HS3ST4: variants seen among roughly 807,000 people sequenced by gnomAD.
HS3ST4 encodes heparan sulfate glucosamine 3-O-sulfotransferase 4.
A neutral mutation model predicts 29.2 loss-of-function variants in HS3ST4; 17 were observed. That is an observed-to-expected ratio of 0.58 (90% CI 0.40 to 0.87). The LOEUF (loss-of-function observed/expected upper bound fraction) is 0.87, where lower values mean the gene tolerates loss of function less well. Ranked by LOEUF, HS3ST4 falls within the 40% of genes least tolerant of loss-of-function variation. HS3ST4 has a pLI of 0.00. For missense variants in HS3ST4, 627 were observed against 634.5 expected (o/e 0.99, Z 0.13); for synonymous variants, 314 against 285.7 (o/e 1.10, Z -1.00).
At chr16:25,916,160 G>A (rs1462432327) in intron 1 of HS3ST4, among the ~76,000 whole-genome samples, 1 of 152,118 alleles carries the variant, frequency 6.6e-6, no homozygotes, top group Non-Finnish European at 1.5e-5. Context: ...CAAATCCCCT[G>A]ACATCACATA....
intron 1 of HS3ST4, among the ~76,000 whole-genome samples, chr16:25,702,859 G>A (rs1012414039): frequency 2.0e-5 from 3 of 151,936 alleles, no homozygotes; most frequent in African/African-American, 7.3e-5. Context: ...TTGAGCTAGC[G>A]GCTCAACTCA....
chr16:25,804,121 C>T (rs775581767), intron 1 of HS3ST4, among the ~76,000 whole-genome samples: 22 of 152,116 alleles, frequency 1.4e-4, no homozygotes, highest in Non-Finnish European at 2.9e-4. Context: ...AAAATGATAT[C>T]TTCCTCATAG....
chr16:26,000,398 T>C (rs959994932), intron 1 of HS3ST4, among the ~76,000 whole-genome samples: 13 of 152,140 alleles, frequency 8.5e-5, no homozygotes, highest in African/African-American at 3.1e-4. Flanking sequence ...TTAACAGAGC[T>C]CAAAGAAAAG....
intron 1 of HS3ST4, among the ~76,000 whole-genome samples, chr16:25,951,044 C>T (rs1968679805): frequency 6.6e-6 from 1 of 152,208 alleles, no homozygotes; most frequent in South Asian, 2.1e-4. Flanking sequence ...TATCCAGGTG[C>T]ACCCCACTGG....
intron 1 of HS3ST4, among the ~76,000 whole-genome samples, chr16:26,024,825 A>G (rs1969451310): frequency 6.6e-6 from 1 of 152,224 alleles, no homozygotes; most frequent in Non-Finnish European, 1.5e-5. Flanking sequence ...AGCCAAATTG[A>G]CAGAGTGTAA....
rs563639979 is a variant in HS3ST4 at position 25,731,188 on chromosome 16, A to C, written c.734+38037A>C. Reference sequence around the variant, plus strand: ...GGCACCCACATGACTGATCTTAGCTATCAGTCTTCAGCCTCCTGCCATTGG... The same window carrying C: ...GGCACCCACATGACTGATCTTAGCTCTCAGTCTTCAGCCTCCTGCCATTGG... On this transcript the variant is annotated intron_variant, in intron 1 of 1. Transcript: ENST00000331351. Among the ~76,000 whole-genome samples, 29 of 152,284 alleles carry C rather than the reference A, an allele frequency of 1.9e-4. 1 individual carries two copies. The South Asian group carries it at 3.7e-3, about 20-fold the overall frequency.
In HS3ST4 at chr16:25,692,913, A is replaced by C. The variant is rs772141062; in HGVS notation, c.496A>C (p.Thr166Pro). The change falls in exon 1 of 2, where the codon ACC becomes CCC. Residue 166 changes from threonine to proline, a missense_variant. Around this residue, in one of 2 missense-constraint regions of HS3ST4, gnomAD observed 402 missense variants for 340.8 expected, o/e 1.18. Coordinates refer to ENST00000331351, the MANE Select transcript of HS3ST4 (RefSeq NM_006040.3). ...GGAGAGGGAAGCGCAGGAGTCCAGC[A>C]CCACCGACGAGGATCTCGCAGGCCG... ...LPEREAQESSTTDEDLAGRRA... is the reference protein window; with the variant it reads ...LPEREAQESSPTDEDLAGRRA... 1 of 1,598,916 alleles carries C rather than the reference A, an allele frequency of 6.3e-7. No individual in the cohort carries two copies. Among genetic ancestry groups the C allele is most frequent in the Non-Finnish European group, 8.5e-7 (1 of 1,173,796 alleles).
intron 1 of HS3ST4, among the ~76,000 whole-genome samples, chr16:25,857,485 A>G (rs1328598961): frequency 6.6e-6 from 1 of 152,048 alleles, no homozygotes; most frequent in African/African-American, 2.4e-5. Flanking sequence ...TTTCTTTTAT[A>G]CACTTCTGCG....
At chr16:26,119,640 G>A (rs1013178799) in intron 1 of HS3ST4, among the ~76,000 whole-genome samples, 1 of 152,060 alleles carries the variant, frequency 6.6e-6, no homozygotes, top group African/African-American at 2.4e-5. Context: ...CTCAATTTGG[G>A]CACATTTTTC....
intron 1 of HS3ST4, among the ~76,000 whole-genome samples, chr16:25,975,756 C>T (rs1218526799): frequency 6.6e-6 from 1 of 152,154 alleles, no homozygotes; most frequent in African/African-American, 2.4e-5. Context: ...ACTTCTCTGT[C>T]AAATCTCTTC....
At chr16:25,918,447 G>T (rs1016187070) in intron 1 of HS3ST4, among the ~76,000 whole-genome samples, 1 of 152,214 alleles carries the variant, frequency 6.6e-6, no homozygotes, top group Admixed American at 6.5e-5. Flanking sequence ...AGGGGAGGTA[G>T]CACTACATGG....
chr16:25,774,651 C>T (rs966064480), intron 1 of HS3ST4, among the ~76,000 whole-genome samples: 6 of 152,234 alleles, frequency 3.9e-5, no homozygotes, highest in East Asian at 3.9e-4. Flanking sequence ...TCTACCCCAA[C>T]GTGTGGATGA....
At chr16:25,906,724 C>A (rs1307703739) in intron 1 of HS3ST4, among the ~76,000 whole-genome samples, 1 of 152,022 alleles carries the variant, frequency 6.6e-6, no homozygotes, top group African/African-American at 2.4e-5. Context: ...GTTTGCTGAG[C>A]AAATTCATGA....
chr16:25,712,168 A>G (rs1283633672), intron 1 of HS3ST4, among the ~76,000 whole-genome samples: 2 of 152,156 alleles, frequency 1.3e-5, no homozygotes, highest in Admixed American at 6.5e-5. Flanking sequence ...TTCCAGGAAA[A>G]AAAACCCCAA....
chr16:25,826,435 G>A (rs1967216017), intron 1 of HS3ST4: 1 of 152,192 alleles, frequency 6.6e-6, no homozygotes, highest in African/African-American at 2.4e-5. Context: ...TGCAGATAAA[G>A]GGAGGACATG....
At chr16:26,126,638 C>T (rs1029239715) in intron 1 of HS3ST4, among the ~76,000 whole-genome samples, 2 of 152,142 alleles carry the variant, frequency 1.3e-5, no homozygotes, top group Non-Finnish European at 2.9e-5. Context: ...CAGTTAAACT[C>T]GTGGCTCTCA....
rs528266625 is a variant in HS3ST4, at chr16:25,894,579, C to T, written c.734+201428C>T. Among the ~76,000 whole-genome samples the T allele has an allele frequency of 2.0e-5, 3 of 151,144 alleles. No homozygotes were observed. In the South Asian group the frequency reaches 6.3e-4, roughly 32 times the overall value. On this transcript the variant is annotated intron_variant, in intron 1 of 1. Coordinates refer to ENST00000331351, the MANE Select transcript of HS3ST4 (RefSeq NM_006040.3). ...GGAGTGCAATGGTGCGATCTCGGCT[C>T]ACTGCAACCTCCGCCTCCCAGGTTC...
rs1410764206 is a variant in HS3ST4 at position 25,829,619 on chromosome 16, T to G, written c.734+136468T>G. On this transcript the variant is annotated intron_variant, in intron 1 of 1. Transcript: ENST00000331351. Reference sequence around the variant, plus strand: ...CCGGTGTGTGATGTTCCCTTCCCTGTGTCTGTGTGTTCTCATTGTTCAACT... The same window carrying G: ...CCGGTGTGTGATGTTCCCTTCCCTGGGTCTGTGTGTTCTCATTGTTCAACT... Among the ~76,000 whole-genome samples the G allele has an allele frequency of 3.3e-5, 5 of 152,184 alleles. No individual in the cohort carries two copies. In the East Asian group the frequency reaches 9.7e-4, roughly 30 times the overall value.
At chr16:25,855,406 T>C (rs1030126223) in intron 1 of HS3ST4, among the ~76,000 whole-genome samples, 2 of 152,212 alleles carry the variant, frequency 1.3e-5, no homozygotes, top group Non-Finnish European at 2.9e-5. Flanking sequence ...TCTCTACAAA[T>C]GCAAATTTTC....
Sources: gnomAD v4.1 joint callset for allele counts (sites outside exome capture counted in the v4.1 genomes callset) on GRCh38, gnomAD v4.1.1 for gene constraint, gnomAD v4.1.1 regional missense constraint, MANE v1.5 for transcripts, NCBI Gene and HGNC (gene_info 2026-07-23, HGNC 2026-07-21) for gene names.